The following BCO2 variants were observed in gnomAD, a reference collection of about 807,000 sequenced individuals.
BCO2 encodes the protein carotenoid-cleaving dioxygenase, mitochondrial.
A neutral mutation model predicts 65.8 loss-of-function variants in BCO2; 56 were observed. That is an observed-to-expected ratio of 0.85 (90% CI 0.69 to 1.06). BCO2 has a LOEUF of 1.06. Ranked by LOEUF, BCO2 falls within the 50% of genes least tolerant of loss-of-function variation. The pLI, the probability that BCO2 is intolerant of heterozygous loss-of-function variation, is 0.00. For synonymous variants in BCO2, 233 were observed against 242.3 expected, an observed-to-expected ratio of 0.96 and a Z score of 0.36; for missense variants, 675 against 698.5, an observed-to-expected ratio of 0.97 and a Z score of 0.38.
intron 2 of BCO2, chr11:112,181,230 G>A (rs1592834168): frequency 3.0e-6 from 2 of 667,130 alleles, no homozygotes; most frequent in Non-Finnish European, 5.2e-6. Flanking sequence ...CGCCCAGGCT[G>A]GAGTGCAGTG....
intron 5 of BCO2, 47 bp downstream of exon 5, chr11:112,194,802 C>T (rs776779120): frequency 2.4e-5 from 31 of 1,315,390 alleles, no homozygotes; most frequent in South Asian, 3.7e-5. Flanking sequence ...AGACCAGGCA[C>T]GGTGTGTATA....
chr11:112,200,131 G>A (rs571220614), intron 6 of BCO2, among the ~76,000 whole-genome samples: 1 of 152,186 alleles, frequency 6.6e-6, no homozygotes, highest in Admixed American at 6.5e-5. Context: ...ACATGAAAAT[G>A]TTGTCTTGAC....
chr11:112,201,998 T>C (rs763939801), intron 7 of BCO2, 25 bp from the exon 8 acceptor site: 2 of 1,526,280 alleles, frequency 1.3e-6, no homozygotes, highest in South Asian at 1.3e-5. Context: ...AAAATTTTTT[T>C]CATTGTTTGT....
At chr11:112,184,532 C>G (rs1006523722) in intron 2 of BCO2, among the ~76,000 whole-genome samples, 1 of 152,084 alleles carries the variant, frequency 6.6e-6, no homozygotes, top group African/African-American at 2.4e-5. Context: ...AGATTACAGG[C>G]ATGAGCCACT....
At chr11:112,187,553 C>T (rs7482254) in intron 2 of BCO2, among the ~76,000 whole-genome samples, 33,116 of 149,840 alleles carry the variant, frequency 0.22, 3,795 homozygotes, top group Middle Eastern at 0.27. Flanking sequence ...TCATTCTCCC[C>T]GTCCCTTTCA....
chr11:112,214,740 A>G (rs765787269), intron 9 of BCO2, 22 bp from the exon 10 acceptor site: 1 of 1,602,076 alleles, frequency 6.2e-7, no homozygotes, highest in South Asian at 1.1e-5. Flanking sequence ...ACCACTACAA[A>G]TCCTTTTGAA....
At chr11:112,211,319 T>TACACACAC (rs71060232) in intron 8 of BCO2, among the ~76,000 whole-genome samples, 52 of 128,496 alleles carry the variant, frequency 4.0e-4, no homozygotes, top group African/African-American at 1.2e-3. Context: ...TTCGATTGTA[T>TACACACAC]ACACACACAC....
intron 8 of BCO2, among the ~76,000 whole-genome samples, chr11:112,204,084 C>T (rs1867807146): frequency 6.6e-6 from 1 of 152,176 alleles, no homozygotes; most frequent in Admixed American, 6.5e-5. Flanking sequence ...TAACTCTTGA[C>T]TTCAGGTGAT....
At chr11:112,207,375 G>A (rs759554306) in intron 8 of BCO2, among the ~76,000 whole-genome samples, 6 of 152,094 alleles carry the variant, frequency 3.9e-5, no homozygotes, top group Non-Finnish European at 8.8e-5. Context: ...CCAGTATACA[G>A]TCTCTTCCTT....
chr11:112,181,048 A>G, intron 2 of BCO2: 1 of 1,478,228 alleles, frequency 6.8e-7, no homozygotes. Context: ...AGTGGCTGAC[A>G]TTAAATGTTG....
chr11:112,210,439 A>T (rs1436550330), intron 8 of BCO2, among the ~76,000 whole-genome samples: 13 of 152,236 alleles, frequency 8.5e-5, no homozygotes, highest in Admixed American at 8.5e-4. Flanking sequence ...GATTCAGTCC[A>T]TGCAAGAGCT....
chr11:112,218,866 T>G lies in BCO2; in HGVS notation c.*992T>G, dbSNP rs1859763353. 6.6e-6 allele frequency: 1 copy of G among 152,148 alleles called. No individual in the cohort carries two copies. The highest frequency in any genetic ancestry group is 1.5e-5 in the Non-Finnish European group (1 of 68,032). The allele number at this position is 152,148 out of a possible 1,614,324, so 9.4% of individuals were successfully genotyped here. Reference sequence around the variant, plus strand: ...TATTGATACAACCTTTTGAAGAGGGTTTTAAATTTCATTTATTGGATATAT... The same window carrying G: ...TATTGATACAACCTTTTGAAGAGGGGTTTAAATTTCATTTATTGGATATAT... On this transcript the variant is annotated 3_prime_UTR_variant, in exon 12 of 12. Coordinates refer to ENST00000357685, the MANE Select transcript of BCO2 (RefSeq NM_031938.7).
At position 112,196,675 on chromosome 11, in the gene BCO2, C is replaced by T. The variant is rs191612860; in HGVS notation, c.736+1920C>T. ...CTCAAAACATATCTATATCCCCAAC[C>T]TAGACCTCCCAAGTATTTTATATCC... On this transcript the variant is annotated intron_variant, in intron 5 of 11. Transcript: ENST00000357685. Among the ~76,000 whole-genome samples the T allele has an allele frequency of 2.0e-5, 3 of 152,302 alleles. No homozygotes were observed. In the East Asian group the frequency reaches 5.8e-4, roughly 29 times the overall value.
chr11:112,203,377 T>G (rs1867783978), intron 8 of BCO2, among the ~76,000 whole-genome samples: 1 of 152,258 alleles, frequency 6.6e-6, no homozygotes, highest in Admixed American at 6.5e-5. Context: ...ATCTCTTTTC[T>G]GTTTTAAGAT....
At chr11:112,195,726 G>A (rs1025856382) in intron 5 of BCO2, among the ~76,000 whole-genome samples, 5 of 152,206 alleles carry the variant, frequency 3.3e-5, no homozygotes, top group East Asian at 1.9e-4. Flanking sequence ...TTTCAGGCGC[G>A]AGCCACTGCG....
chr11:112,196,929 T>G (rs1867598757), intron 5 of BCO2, among the ~76,000 whole-genome samples: 2 of 145,094 alleles, frequency 1.4e-5, no homozygotes, highest in South Asian at 4.5e-4. Flanking sequence ...TCCCTTCCCT[T>G]CCCTTCCCTT....
chr11:112,208,420 C>CTTTTTTTTTTTTTTTTTTTTTTTTTTTT, intron 8 of BCO2, among the ~76,000 whole-genome samples: 1 of 143,012 alleles, frequency 7.0e-6, no homozygotes, highest in Non-Finnish European at 1.5e-5. Context: ...TGTATATTGG[C>CTTTTTTTTTTTTTTTTTTTTTTTTTTTT]TTTTTTTTTT....
chr11:112,212,603 C>T (rs1329473408), intron 8 of BCO2, among the ~76,000 whole-genome samples: 2 of 152,140 alleles, frequency 1.3e-5, no homozygotes, highest in African/African-American at 4.8e-5. Flanking sequence ...TACATGCTTC[C>T]AAGAGTCCTT....
chr11:112,202,051 C>T lies in BCO2; in HGVS notation c.1055C>T (p.Pro352Leu). The change falls in exon 8 of 12, where the codon CCT becomes CTT. Residue 352 changes from proline to leucine, a missense_variant. Coordinates refer to ENST00000357685, the MANE Select transcript of BCO2 (RefSeq NM_031938.7). Reference sequence around the variant, plus strand: ...CTTCCAGGGAGATACTACAGCAAACCTTTTGTTACATTTCATCAAATCAAT... The same window carrying T: ...CTTCCAGGGAGATACTACAGCAAACTTTTTGTTACATTTCATCAAATCAAT... ...QLLPGRYYSK[P>L]FVTFHQINAF... The T allele has an allele frequency of 6.2e-7, 1 of 1,608,262 alleles. No homozygotes were observed. Among genetic ancestry groups the T allele is most frequent in the Non-Finnish European group, 8.5e-7 (1 of 1,177,524 alleles).
Sources: gnomAD v4.1 joint callset for allele counts (sites outside exome capture counted in the v4.1 genomes callset) on GRCh38, gnomAD v4.1.1 for gene constraint, MANE v1.5 for transcripts, NCBI Gene and HGNC (gene_info 2026-07-23, HGNC 2026-07-21) for gene names.